The following POU6F2 variants were observed in gnomAD, a reference collection of about 807,000 sequenced individuals.
The protein encoded by POU6F2 is POU class 6 homeobox 2, also known as POU domain, class 6, transcription factor 2.
Under a neutral mutation model 71.3 loss-of-function variants are expected in POU6F2, and 31 were observed. The observed-to-expected ratio is 0.43, with a 90% CI of 0.33 to 0.59. The LOEUF is 0.59. Among genes scored for constraint, POU6F2 ranks in the 20% least tolerant of loss-of-function variants. POU6F2 has a pLI of 0.04. For synonymous variants in POU6F2, 347 were observed against 355.7 expected, an observed-to-expected ratio of 0.98 and a Z score of 0.27; for missense variants, 783 against 856.8, an observed-to-expected ratio of 0.91 and a Z score of 1.07.
chr7:39,433,360 T>C, intron 7 of POU6F2, 77 bp downstream of exon 7: 1 of 1,512,216 alleles, frequency 6.6e-7, no homozygotes, highest in Non-Finnish European at 9.1e-7. Context: ...TCTCAATCAA[T>C]GAAAAGTAAC....
intron 1 of POU6F2, among the ~76,000 whole-genome samples, chr7:39,015,581 A>G (rs1302628861): frequency 2.0e-5 from 2 of 101,972 alleles, no homozygotes; most frequent in African/African-American, 7.6e-5. Context: ...AGATATATCT[A>G]TGTTTTATAT....
At chr7:39,108,016 A>G (rs771592200) in intron 2 of POU6F2, among the ~76,000 whole-genome samples, 2 of 152,240 alleles carry the variant, frequency 1.3e-5, no homozygotes, top group Non-Finnish European at 2.9e-5. Context: ...GGTAGAGTGT[A>G]AATCTGTAGC....
At chr7:38,984,244 G>A (rs1040900699) in intron 1 of POU6F2, 3 of 152,092 alleles carry the variant, frequency 2.0e-5, no homozygotes, top group African/African-American at 7.2e-5. Context: ...TTAATGAAAA[G>A]GATATAGTCG....
intron 1 of POU6F2, among the ~76,000 whole-genome samples, chr7:38,985,397 C>T (rs1356959877): frequency 2.0e-5 from 3 of 152,060 alleles, no homozygotes; most frequent in Non-Finnish European, 4.4e-5. Context: ...TCAGGGCGAA[C>T]TCTGGTCTTT....
At chr7:39,201,663 TAGGCTCCTGGTC>T (rs937286913) in intron 2 of POU6F2, among the ~76,000 whole-genome samples, 8 of 152,332 alleles carry the variant, frequency 5.3e-5, no homozygotes, top group African/African-American at 1.9e-4. Flanking sequence ...ACATGTTTCC[TAGGCTCCTGGTC>T]AGGAGGAACC....
intron 6 of POU6F2, among the ~76,000 whole-genome samples, chr7:39,414,818 C>T (rs1056216132): frequency 7.3e-5 from 11 of 151,566 alleles, no homozygotes; most frequent in Non-Finnish European, 1.5e-4. Flanking sequence ...TACCCTCCTT[C>T]CCCAGCAAAA....
At chr7:39,205,453 G>A (rs1343034891) in intron 3 of POU6F2, among the ~76,000 whole-genome samples, 1 of 152,060 alleles carries the variant, frequency 6.6e-6, no homozygotes, top group Non-Finnish European at 1.5e-5. Context: ...AAACTGGAGA[G>A]TGCATGCCCT....
chr7:39,030,478 T>C (rs1342409745), intron 1 of POU6F2, among the ~76,000 whole-genome samples: 11 of 132,036 alleles, frequency 8.3e-5, no homozygotes, highest in Non-Finnish European at 1.1e-4. Flanking sequence ...GCTAATCTCC[T>C]GTATTGAACT....
chr7:39,247,857 C>T (rs1050597606), intron 4 of POU6F2, among the ~76,000 whole-genome samples: 1 of 152,200 alleles, frequency 6.6e-6, no homozygotes, highest in African/African-American at 2.4e-5. Context: ...GGACCCCTGT[C>T]AGAGCCTGGA....
intron 8 of POU6F2, 111 bp downstream of exon 8, chr7:39,451,812 A>T (rs752542082): frequency 1.7e-5 from 23 of 1,318,586 alleles, no homozygotes; most frequent in Non-Finnish European, 2.2e-5. Flanking sequence ...CTTTCTCTCA[A>T]CCCTGCACAG....
intron 4 of POU6F2, among the ~76,000 whole-genome samples, chr7:39,254,459 A>T (rs917471350): frequency 2.0e-5 from 3 of 152,158 alleles, no homozygotes; most frequent in Non-Finnish European, 4.4e-5. Context: ...GAGGGTGTCC[A>T]TTATAAATAC....
chr7:38,978,665 G>T (rs117945930), intron 1 of POU6F2, among the ~76,000 whole-genome samples: 4 of 152,304 alleles, frequency 2.6e-5, no homozygotes, highest in Non-Finnish European at 5.9e-5. Context: ...CAGGTGGTCT[G>T]CTCGCGCTTC....
chr7:39,189,363 A>C (rs954697308), intron 2 of POU6F2, among the ~76,000 whole-genome samples: 2 of 108,578 alleles, frequency 1.8e-5, no homozygotes, highest in Non-Finnish European at 3.6e-5. Context: ...TTTTTGTGGT[A>C]TTTTTTGTTT....
At chr7:39,191,361 C>T (rs557672115) in intron 2 of POU6F2, among the ~76,000 whole-genome samples, 1 of 152,108 alleles carries the variant, frequency 6.6e-6, no homozygotes, top group South Asian at 2.1e-4. Context: ...TATTATTTCA[C>T]CTTTTCACCA....
At chr7:39,264,633 A>G (rs760020628) in intron 4 of POU6F2, among the ~76,000 whole-genome samples, 25 of 152,166 alleles carry the variant, frequency 1.6e-4, no homozygotes, top group Non-Finnish European at 2.9e-4. Context: ...GTGTAAGCCT[A>G]TACTCCTGGT....
At chr7:38,980,544 C>T (rs1788291514) in intron 1 of POU6F2, among the ~76,000 whole-genome samples, 1 of 152,122 alleles carries the variant, frequency 6.6e-6, no homozygotes, top group Non-Finnish European at 1.5e-5. Flanking sequence ...ATTTTTATTG[C>T]TCTGCTGTCA....
intron 1 of POU6F2, among the ~76,000 whole-genome samples, chr7:39,058,892 C>T (rs1790592138): frequency 6.6e-6 from 1 of 152,080 alleles, no homozygotes; most frequent in Non-Finnish European, 1.5e-5. Flanking sequence ...GACTACAAAC[C>T]AACACCCAGA....
At position 39,467,183 on chromosome 7, in the gene POU6F2, T is replaced by G. The variant is rs112693399; in HGVS notation, c.*2497T>G. On this transcript the variant is annotated 3_prime_UTR_variant, in exon 10 of 10. Transcript: ENST00000518318. ...TTCATGTGCAGTGATTTTTTTATAG[T>G]TTTATAATTTTGTATTGTTTTATAA... 4 of 152,318 alleles carry G rather than the reference T, an allele frequency of 2.6e-5. No homozygotes were observed. Among genetic ancestry groups the G allele is most frequent in the African/African-American group, 9.6e-5 (4 of 41,580 alleles). The allele number at this position is 152,318 out of a possible 1,614,324, so 9.4% of individuals were successfully genotyped here.
chr7:39,233,324 T>C (rs1794612204), intron 4 of POU6F2, among the ~76,000 whole-genome samples: 1 of 151,976 alleles, frequency 6.6e-6, no homozygotes, highest in Non-Finnish European at 1.5e-5. Flanking sequence ...AAAATTCTGC[T>C]AAGTAGTATC....
Sources: allele counts gnomAD v4.1 joint callset (sites outside exome capture counted in the v4.1 genomes callset), GRCh38; gene constraint gnomAD v4.1.1; transcripts MANE v1.5; gene names NCBI Gene and HGNC (gene_info 2026-07-23, HGNC 2026-07-21).